DBR1: variants seen among roughly 807,000 people sequenced by gnomAD.
The protein encoded by DBR1 is debranching RNA lariats 1.
A neutral mutation model predicts 45.9 loss-of-function variants in DBR1; 33 were observed. The ratio of observed to expected loss-of-function variants is 0.72; its 90% CI spans 0.55 to 0.96. The LOEUF (loss-of-function observed/expected upper bound fraction) is 0.96. Among genes scored for constraint, DBR1 ranks in the 40% least tolerant of loss-of-function variants. The pLI, the probability that DBR1 is intolerant of heterozygous loss-of-function variation, is 0.00. For synonymous variants in DBR1, 235 were observed against 235.9 expected (o/e 1.00, Z 0.04); for missense variants, 619 against 667.4 (o/e 0.93, Z 0.80).
intron 4 of DBR1, among the ~76,000 whole-genome samples, chr3:138,168,054 G>GA (rs937839797): frequency 6.0e-5 from 9 of 149,406 alleles, no homozygotes; most frequent in Non-Finnish European, 7.4e-5. Flanking sequence ...GATTTACCAG[G>GA]AAAAAAAAAA....
At chr3:138,171,475 CAAAAAAAAA>C (rs906867666) in intron 3 of DBR1, 149 bp downstream of exon 3, 18 of 69,560 alleles carry the variant, frequency 2.6e-4, no homozygotes, top group East Asian at 1.6e-3. Flanking sequence ...AACTCTGTCT[CAAAAAAAAA>C]AAAAAAAAAA....
At position 138,162,069 on chromosome 3, in the gene DBR1, G is replaced by C; in HGVS notation, c.1455C>G (p.Ser485=). The change falls in exon 8 of 8, where the codon TCC becomes TCG. Residue 485 remains serine (S), a synonymous_variant. Transcript: ENST00000260803. ...MIVSSDDTVD[S]TIDREGKPGG... ...CAGGTTTCCCCTCTCTATCAATTGT[G>C]GAATCCACCGTATCATCAGAAGATA... 6.2e-7 allele frequency: 1 copy of C among 1,614,032 alleles called. No homozygotes were observed. Among genetic ancestry groups the C allele is most frequent in the Non-Finnish European group, 8.5e-7 (1 of 1,180,014 alleles).
intron 2 of DBR1, among the ~76,000 whole-genome samples, chr3:138,172,016 C>T (rs1342308164): frequency 6.6e-6 from 1 of 152,070 alleles, no homozygotes; most frequent in Non-Finnish European, 1.5e-5. Context: ...ACTGAATACA[C>T]GGGTGAGGTA....
intron 4 of DBR1, 118 bp from the exon 5 acceptor site, chr3:138,167,423 G>A (rs2107903915): frequency 4.3e-6 from 3 of 704,600 alleles, no homozygotes; most frequent in South Asian, 1.7e-5. Context: ...CTAGAATTCT[G>A]TATAATTCAT....
intron 5 of DBR1, 104 bp downstream of exon 5, chr3:138,166,977 A>G: frequency 1.0e-6 from 1 of 977,308 alleles, no homozygotes; most frequent in Non-Finnish European, 1.6e-6. Flanking sequence ...TACTCACAAG[A>G]GGTAAGTTAT....
Position 138,163,844 on chromosome 3 carries a change from TC to T in DBR1, c.728del (p.Gly243AspfsTer10). 1 of 1,612,010 alleles carries T rather than the reference TC, an allele frequency of 6.2e-7. No individual in the cohort carries two copies. Among genetic ancestry groups the T allele is most frequent in the Non-Finnish European group, 8.5e-7 (1 of 1,178,384 alleles). The part of the protein sequence containing the change: ...ALMQHQAKDK[G>X]QTARATKFLA... ...AAAATTTGGTTGCTCTGGCTGTCTGTCCTTTATCCTTTGCCTGGACAATATG... is the reference window on the plus strand; with the variant it reads ...AAAATTTGGTTGCTCTGGCTGTCTGTCTTTATCCTTTGCCTGGACAATATG... On this transcript the variant is annotated frameshift_variant, in exon 6 of 8. Transcript: ENST00000260803. LOFTEE classifies it high-confidence loss of function.
chr3:138,167,108 C>T lies in DBR1; in HGVS notation c.687G>A (p.Val229=). 2 of 1,614,138 alleles carry T rather than the reference C, an allele frequency of 1.2e-6. No individual in the cohort carries two copies. The highest frequency in any genetic ancestry group is 1.7e-6 in the Non-Finnish European group (2 of 1,180,032). ...PTYWFSAHLH[V]KFAALMQHQA... Reference sequence around the variant, plus strand: ...GATGCTGCATCAAGGCGGCAAACTTCACATGAAGGTGGGCAGAAAACCAAT... The same window carrying T: ...GATGCTGCATCAAGGCGGCAAACTTTACATGAAGGTGGGCAGAAAACCAAT... Residue 229 remains valine (V), a synonymous_variant, in exon 5 of 8, where the codon GTG becomes GTA. Transcript: ENST00000260803.
Position 138,167,207 on chromosome 3 carries a change from GA to G in DBR1, c.587del (p.Phe196SerfsTer10). 3.1e-6 allele frequency: 5 copies of G among 1,613,162 alleles called. No individual in the cohort carries two copies. The highest frequency in any genetic ancestry group is 4.2e-6 in the Non-Finnish European group (5 of 1,179,732). On this transcript the variant is annotated frameshift_variant, in exon 5 of 8. Coordinates refer to ENST00000260803, the MANE Select transcript of DBR1 (RefSeq NM_016216.4). LOFTEE classifies it high-confidence loss of function. ...ATGTGTTATTTTCCACTTCTTGTCG[GA>G]AAAAAGATTTAGTCTTAAGAAGTTG... ...KKQLLKTKSF[F>X]RQEVENNTLG...
In DBR1 at chr3:138,167,280, A is replaced by C; in HGVS notation, c.515T>G (p.Leu172Trp). ...KQLKQPIDIF[L>W]SHDWPRSIYH... ...TATACTTCTTGGCCAATCATGAGAC[A>C]AGAATATATCTATAGGCTGCTTCAG... The change falls in exon 5 of 8, where the codon TTG becomes TGG. Residue 172 changes from leucine to tryptophan, a missense_variant. Transcript: ENST00000260803. 6.2e-7 allele frequency: 1 copy of C among 1,610,212 alleles called. No individual in the cohort carries two copies. The highest frequency in any genetic ancestry group is 8.5e-7 in the Non-Finnish European group (1 of 1,178,912).
intron 3 of DBR1, 30 bp from the exon 4 acceptor site, chr3:138,170,222 T>C (rs1459863090): frequency 7.3e-7 from 1 of 1,370,650 alleles, no homozygotes; most frequent in East Asian, 2.3e-5. Context: ...ATAAGCTATA[T>C]TTAATTTCCT....
At chr3:138,171,836 G>A (rs2042956987) in intron 2 of DBR1, 123 bp from the exon 3 acceptor site, 1 of 721,250 alleles carries the variant, frequency 1.4e-6, no homozygotes, top group South Asian at 1.7e-5. Flanking sequence ...TAAGCACCAT[G>A]ATGAGGTTAT....
At position 138,162,456 on chromosome 3, in the gene DBR1, T is replaced by C; in HGVS notation, c.1068A>G (p.Gln356=). 1 of 1,614,174 alleles carries C rather than the reference T, an allele frequency of 6.2e-7. No homozygotes were observed. The highest frequency in any genetic ancestry group is 1.1e-5 in the South Asian group (1 of 91,090). Residue 356 remains glutamine (Q), a synonymous_variant, in exon 8 of 8, where the codon CAA becomes CAG. Transcript: ENST00000260803. ...ACYDPSKPQT[Q]MQLIHRINPQ... The stretch of plus-strand genomic sequence containing the variant: ...GATTGATCCTATGAATCAGCTGCAT[T>C]TGTGTCTGTGGCTTGCTAGGATCAT...
Position 138,163,248 on chromosome 3 carries a change from C to G in DBR1, c.941+101G>C, listed in dbSNP as rs2042915744. The G allele has an allele frequency of 3.4e-5, 42 of 1,240,710 alleles. No homozygotes were observed. The South Asian group carries it at 6.2e-4, about 18-fold the overall frequency. The allele number at this position is 1,240,710 out of a possible 1,614,324, so 76.9% of individuals were successfully genotyped here. ...CACCACTGCAGTCCAGTTTGGATAACAGAGCTAGACCCTGTTTCAAAACAA... is the reference window on the plus strand; with the variant it reads ...CACCACTGCAGTCCAGTTTGGATAAGAGAGCTAGACCCTGTTTCAAAACAA... On this transcript the variant is annotated intron_variant, in intron 7 of 7. Transcript: ENST00000260803.
chr3:138,171,908 T>C (rs811811), intron 2 of DBR1, among the ~76,000 whole-genome samples, 195 bp from the exon 3 acceptor site: 98,788 of 151,990 alleles, frequency 0.65, 32,315 homozygotes, highest in Admixed American at 0.69. Context: ...TATATAAAGG[T>C]AAGGTCTGGA....
Position 138,167,132 on chromosome 3 carries a change from A to G in DBR1, c.663T>C (p.Tyr221=), listed in dbSNP as rs138348480. 7.4e-5 allele frequency: 119 copies of G among 1,614,108 alleles called. No individual in the cohort carries two copies. The highest frequency in any genetic ancestry group is 1.3e-4 in the Admixed American group (8 of 60,006). Residue 221 remains tyrosine (Y), a synonymous_variant, in exon 5 of 8, where the codon TAT becomes TAC. Coordinates refer to ENST00000260803, the MANE Select transcript of DBR1 (RefSeq NM_016216.4). ...TCACATGAAGGTGGGCAGAAAACCA[A>G]TAAGTAGGTTTGAGATGCTCTAAAA... ...SELLEHLKPT[Y]WFSAHLHVKF... is the part of the protein sequence containing the mutation.
chr3:138,170,031 A>G, intron 4 of DBR1, 76 bp downstream of exon 4: 2 of 960,014 alleles, frequency 2.1e-6, no homozygotes, highest in Admixed American at 1.9e-5. Context: ...TAGTATACCA[A>G]TATGACCAAA....
chr3:138,167,029 T>C lies in DBR1; in HGVS notation c.714+52A>G. On this transcript the variant is annotated intron_variant, in intron 5 of 7. Transcript: ENST00000260803. The stretch of plus-strand genomic sequence containing the variant: ...TAACTTTACAACTGTGTCTGGTCCA[T>C]AGATGTTCAATAGTGTGTGTTAAAT... The C allele has an allele frequency of 6.6e-6, 10 of 1,506,494 alleles. No individual in the cohort carries two copies. In the South Asian group the frequency reaches 1.1e-4, roughly 17 times the overall value. 93.3% of individuals were successfully genotyped at this position (1,506,494 alleles called of 1,614,324 possible).
At position 138,167,722 on chromosome 3, in the gene DBR1, G is replaced by A. The variant is rs111749281; in HGVS notation, c.490-417C>T. ...GCACTTTGGGAGGCTGAGGCAGGTG[G>A]ATCACCTGAGGTTAGGAGTTCGAAA... On this transcript the variant is annotated intron_variant, in intron 4 of 7. Transcript: ENST00000260803. 8.8e-3 allele frequency among the ~76,000 whole-genome samples: 1,342 copies of A among 152,260 alleles called. 22 individuals carry two copies. Among genetic ancestry groups the A allele is most frequent in the African/African-American group, 0.031 (1,303 of 41,542 alleles).
rs534215688 is a variant in DBR1, at chr3:138,173,778, T to A, written c.198-152A>T. ...GGGGCTGGGCGCGGTGGCTCCCTCC[T>A]GTAATCCCAGCACTTTTGATGGCCG... On this transcript the variant is annotated intron_variant, in intron 1 of 7. Coordinates refer to ENST00000260803, the MANE Select transcript of DBR1 (RefSeq NM_016216.4). 1,213 of 783,726 alleles carry A rather than the reference T, an allele frequency of 1.5e-3. 17 individuals carry two copies. The highest frequency in any genetic ancestry group is 4.2e-4 in the Non-Finnish European group (220 of 520,792). 48.5% of individuals were successfully genotyped at this position (783,726 alleles called of 1,614,324 possible). A position where few individuals can be genotyped will look rare whatever the true frequency, so the allele number is the denominator to read the frequency against.
Sources: allele counts gnomAD v4.1 joint callset (sites outside exome capture counted in the v4.1 genomes callset), GRCh38; gene constraint gnomAD v4.1.1; transcripts MANE v1.5; gene names NCBI Gene and HGNC (gene_info 2026-07-23, HGNC 2026-07-21).